The following RORB variants were observed in gnomAD, a reference collection of about 807,000 sequenced individuals.
The protein encoded by RORB is nuclear receptor ROR-beta.
RORB carries 6 observed loss-of-function variants against 59.1 expected under a neutral mutation model. The ratio of observed to expected loss-of-function variants is 0.10; its 90% CI spans 0.06 to 0.20. RORB has a LOEUF of 0.20. Ranked by LOEUF, RORB falls within the 10% of genes least tolerant of loss-of-function variation. The probability of loss-of-function intolerance (pLI) is 1.00; values close to 1 mark genes in which losing one functional copy is unlikely to be tolerated. For synonymous variants in RORB, 215 were observed against 204.5 expected (o/e 1.05, Z -0.44); for missense variants, 320 against 560.5 (o/e 0.57, Z 4.33).
At chr9:74,536,038 A>G (rs545792455) in intron 1 of RORB, among the ~76,000 whole-genome samples, 2 of 152,142 alleles carry the variant, frequency 1.3e-5, no homozygotes, top group Admixed American at 6.6e-5. Context: ...TAAAAAGTAA[A>G]TTTATTACGA....
intron 1 of RORB, among the ~76,000 whole-genome samples, chr9:74,598,010 A>G (rs1482531612): frequency 1.3e-5 from 2 of 152,178 alleles, no homozygotes; most frequent in Non-Finnish European, 2.9e-5. Context: ...TATTTGATAT[A>G]CATTAGGTTA....
At chr9:74,671,923 C>T (rs763010311) in intron 9 of RORB, 22 bp downstream of exon 9, 2 of 1,347,568 alleles carry the variant, frequency 1.5e-6, no homozygotes, top group Non-Finnish European at 2.1e-6. Context: ...GATCACAGAG[C>T]CACCACCACC....
chr9:74,544,675 T>C (rs1349265364), intron 1 of RORB, among the ~76,000 whole-genome samples: 1 of 152,176 alleles, frequency 6.6e-6, no homozygotes, highest in African/African-American at 2.4e-5. Flanking sequence ...CCAGCCCTCC[T>C]CTGTGTTTTT....
intron 1 of RORB, among the ~76,000 whole-genome samples, chr9:74,548,689 A>G (rs1346456745): frequency 6.6e-6 from 1 of 152,212 alleles, no homozygotes; most frequent in East Asian, 1.9e-4. Context: ...CGAAAGTAAT[A>G]ACTGGTCATT....
chr9:74,682,990 T>A (rs1421319324), intron 9 of RORB, among the ~76,000 whole-genome samples: 1 of 152,234 alleles, frequency 6.6e-6, no homozygotes, highest in South Asian at 2.1e-4. Flanking sequence ...TGCATCAGTG[T>A]CTGCAGGGAA....
intron 4 of RORB, among the ~76,000 whole-genome samples, chr9:74,646,344 G>A (rs933777724): frequency 6.6e-6 from 1 of 152,194 alleles, no homozygotes; most frequent in Middle Eastern, 3.4e-3. Context: ...AAACACACAT[G>A]TAAGAACCAT....
intron 1 of RORB, among the ~76,000 whole-genome samples, chr9:74,534,088 T>C (rs981716705): frequency 6.6e-6 from 1 of 152,044 alleles, no homozygotes; most frequent in East Asian, 1.9e-4. Flanking sequence ...AGCTGTTCCT[T>C]CTTCTATTTC....
chr9:74,644,947 T>G (rs1823871567), intron 4 of RORB, among the ~76,000 whole-genome samples: 2 of 152,342 alleles, frequency 1.3e-5, no homozygotes, highest in South Asian at 4.1e-4. Context: ...TTCTGTGAAC[T>G]GACAGAACTG....
intron 1 of RORB, among the ~76,000 whole-genome samples, chr9:74,628,285 G>T (rs1823555270): frequency 6.6e-6 from 1 of 152,096 alleles, no homozygotes; most frequent in South Asian, 2.1e-4. Flanking sequence ...GTATTTTAGA[G>T]GTGACTTTGT....
At chr9:74,570,985 AT>A (rs1425027348) in intron 1 of RORB, among the ~76,000 whole-genome samples, 3 of 151,180 alleles carry the variant, frequency 2.0e-5, no homozygotes, top group Non-Finnish European at 4.4e-5. Context: ...AATTAATTAT[AT>A]TATAATTAAA....
rs189105023 is a variant in RORB at position 74,583,230 on chromosome 9, G to C, written c.8-47052G>C. Reference sequence around the variant, plus strand: ...CAACTTACTATTGCCTCAGTAGATGGTTATAAAGCAGCAGCTAGACTAAAG... The same window carrying C: ...CAACTTACTATTGCCTCAGTAGATGCTTATAAAGCAGCAGCTAGACTAAAG... On this transcript the variant is annotated intron_variant, in intron 1 of 9. Coordinates refer to ENST00000376896, the MANE Select transcript of RORB (RefSeq NM_006914.4). Among the ~76,000 whole-genome samples, 44 of 152,176 alleles carry C rather than the reference G, an allele frequency of 2.9e-4. 1 individual carries two copies. The highest frequency in any genetic ancestry group is 2.5e-3 in the South Asian group (12 of 4,808).
At chr9:74,526,373 C>A (rs1826156572) in intron 1 of RORB, among the ~76,000 whole-genome samples, 1 of 151,764 alleles carries the variant, frequency 6.6e-6, no homozygotes, top group Non-Finnish European at 1.5e-5. Flanking sequence ...TTATTCAGAC[C>A]CAACTGGGCA....
chr9:74,667,925 C>T, intron 8 of RORB, 24 bp downstream of exon 8: 1 of 1,458,644 alleles, frequency 6.9e-7, no homozygotes, highest in Non-Finnish European at 9.6e-7. Context: ...AGTTCTCTTA[C>T]CTTTTTAAAA....
At chr9:74,518,397 A>G (rs891399852) in intron 1 of RORB, among the ~76,000 whole-genome samples, 1 of 152,064 alleles carries the variant, frequency 6.6e-6, no homozygotes, top group African/African-American at 2.4e-5. Context: ...ACCTGAATTA[A>G]TTTGAGAACA....
chr9:74,674,270 C>T (rs918235715), intron 9 of RORB, among the ~76,000 whole-genome samples: 2 of 152,138 alleles, frequency 1.3e-5, no homozygotes, highest in African/African-American at 4.8e-5. Context: ...TCCACAATAC[C>T]TCTAAAACAG....
chr9:74,585,681 A>G (rs940745948), intron 1 of RORB, among the ~76,000 whole-genome samples: 1 of 152,164 alleles, frequency 6.6e-6, no homozygotes, highest in Non-Finnish European at 1.5e-5. Context: ...ATAAAAAGCT[A>G]TTCACATGGT....
At chr9:74,514,204 T>A (rs986371470) in intron 1 of RORB, among the ~76,000 whole-genome samples, 3 of 152,090 alleles carry the variant, frequency 2.0e-5, no homozygotes, top group Non-Finnish European at 4.4e-5. Context: ...AAATTGTGAA[T>A]AACTACCAAC....
chr9:74,542,901 C>A (rs539682221), intron 1 of RORB, among the ~76,000 whole-genome samples: 7 of 152,222 alleles, frequency 4.6e-5, no homozygotes, highest in African/African-American at 1.7e-4. Context: ...TAGTGCCAGG[C>A]AACGTACTTA....
chr9:74,591,749 T>C (rs193276252), intron 1 of RORB, among the ~76,000 whole-genome samples: 287 of 152,340 alleles, frequency 1.9e-3, no homozygotes, highest in South Asian at 6.8e-3. Context: ...CTAAATTGTT[T>C]ATATCACAGG....
Sources: allele counts gnomAD v4.1 joint callset (sites outside exome capture counted in the v4.1 genomes callset), GRCh38; gene constraint gnomAD v4.1.1; transcripts MANE v1.5; gene names NCBI Gene and HGNC (gene_info 2026-07-23, HGNC 2026-07-21).